The following CTNNA3 variants were observed in gnomAD, a reference collection of about 807,000 sequenced individuals.
CTNNA3 encodes catenin alpha-3.
CTNNA3 carries 76 observed loss-of-function variants against 95.7 expected under a neutral mutation model. The ratio of observed to expected loss-of-function variants is 0.79; its 90% CI spans 0.66 to 0.96. The LOEUF is 0.96. Ranked by LOEUF, CTNNA3 falls within the 40% of genes least tolerant of loss-of-function variation. CTNNA3 has a pLI of 0.00. For missense variants in CTNNA3, 1,191 were observed against 1,089.8 expected (o/e 1.09, Z -1.31); for synonymous variants, 431 against 374.4 (o/e 1.15, Z -1.74).
chr10:66,013,563 GATA>G (rs756405746), intron 15 of CTNNA3, among the ~76,000 whole-genome samples: 9 of 152,178 alleles, frequency 5.9e-5, no homozygotes, highest in Non-Finnish European at 1.3e-4. Context: ...GCTTTTAACT[GATA>G]ATTTCAAATG....
intron 15 of CTNNA3, among the ~76,000 whole-genome samples, chr10:66,027,056 T>C (rs1323913094): frequency 1.3e-5 from 2 of 152,110 alleles, no homozygotes; most frequent in Non-Finnish European, 2.9e-5. Context: ...TAAAAAATCA[T>C]CTTATTAATT....
At chr10:67,617,781 T>C (rs1480944129) in intron 2 of CTNNA3, among the ~76,000 whole-genome samples, 1 of 150,638 alleles carries the variant, frequency 6.6e-6, no homozygotes, top group African/African-American at 2.4e-5. Context: ...TTTTTTTTTT[T>C]ACTTTTTAAT....
intron 15 of CTNNA3, among the ~76,000 whole-genome samples, chr10:66,037,154 G>A (rs1229477351): frequency 2.0e-5 from 3 of 152,126 alleles, no homozygotes; most frequent in African/African-American, 7.2e-5. Flanking sequence ...TTACAGGCAT[G>A]AGCCACCGTG....
At chr10:66,689,099 TCCATGAA>T (rs1371463765) in intron 9 of CTNNA3, among the ~76,000 whole-genome samples, 4 of 25,012 alleles carry the variant, frequency 1.6e-4, no homozygotes, top group Admixed American at 6.1e-4. Context: ...CGTGTGTGTA[TCCATGAA>T]TCAATGAATC....
intron 14 of CTNNA3, among the ~76,000 whole-genome samples, chr10:66,101,312 G>A (rs2081619945): frequency 6.6e-6 from 1 of 152,108 alleles, no homozygotes; most frequent in African/African-American, 2.4e-5. Context: ...GGAAACTCAA[G>A]AAAGTAGCAT....
intron 7 of CTNNA3, among the ~76,000 whole-genome samples, chr10:66,822,155 G>A (rs1842326221): frequency 6.7e-6 from 1 of 149,646 alleles, no homozygotes; most frequent in African/African-American, 2.4e-5. Flanking sequence ...TATAAAGTAT[G>A]TAATATGTTT....
At chr10:66,216,854 T>C (rs1406324547) in intron 13 of CTNNA3, among the ~76,000 whole-genome samples, 1 of 152,198 alleles carries the variant, frequency 6.6e-6, no homozygotes, top group East Asian at 1.9e-4. Flanking sequence ...GCAATAAATG[T>C]GTATAGCTTC....
chr10:67,007,774 A>T (rs1226302001), intron 7 of CTNNA3, among the ~76,000 whole-genome samples: 2 of 152,030 alleles, frequency 1.3e-5, no homozygotes, highest in African/African-American at 4.8e-5. Flanking sequence ...TTTTTAAAAA[A>T]AAAGTTCAAA....
At chr10:67,492,576 A>C (rs1200278714) in intron 5 of CTNNA3, among the ~76,000 whole-genome samples, 1 of 152,218 alleles carries the variant, frequency 6.6e-6, no homozygotes, top group Admixed American at 6.5e-5. Context: ...TAAAGATCAA[A>C]TGTGCAAGAT....
chr10:66,420,607 T>C (rs1269854678), intron 11 of CTNNA3, among the ~76,000 whole-genome samples: 1 of 151,936 alleles, frequency 6.6e-6, no homozygotes, highest in Non-Finnish European at 1.5e-5. Context: ...GAGACCACCC[T>C]GGCTAACACA....
chr10:65,992,028 C>A (rs1366607754), intron 15 of CTNNA3, among the ~76,000 whole-genome samples: 2 of 151,866 alleles, frequency 1.3e-5, no homozygotes, highest in East Asian at 3.9e-4. Flanking sequence ...ATCTTTCATT[C>A]TTTTGATATG....
chr10:66,875,280 C>A (rs534646960), intron 7 of CTNNA3, among the ~76,000 whole-genome samples: 1 of 152,112 alleles, frequency 6.6e-6, no homozygotes, highest in South Asian at 2.1e-4. Context: ...GGTTACATAA[C>A]TGTCCCAAAA....
chr10:66,399,406 T>C (rs2132554001), intron 11 of CTNNA3, among the ~76,000 whole-genome samples: 1 of 152,056 alleles, frequency 6.6e-6, no homozygotes, highest in South Asian at 2.1e-4. Context: ...AGATATATAA[T>C]ATTATAGCCT....
chr10:67,303,375 C>A (rs1166901379), intron 5 of CTNNA3, among the ~76,000 whole-genome samples: 2 of 152,162 alleles, frequency 1.3e-5, no homozygotes, highest in Non-Finnish European at 2.9e-5. Context: ...TCCCAAGTGG[C>A]CAAATTCAAC....
At chr10:66,381,671 T>C (rs1006688405) in intron 11 of CTNNA3, among the ~76,000 whole-genome samples, 1 of 152,134 alleles carries the variant, frequency 6.6e-6, no homozygotes, top group Non-Finnish European at 1.5e-5. Context: ...ATTTAACCCA[T>C]ATTAAGGACA....
chr10:67,459,997 CTTTATCCTTCAAATACATT>C (rs1847316057), intron 5 of CTNNA3, among the ~76,000 whole-genome samples: 1 of 152,124 alleles, frequency 6.6e-6, no homozygotes, highest in Non-Finnish European at 1.5e-5. Context: ...CTTCTACATT[CTTTATCCTTCAAATACATT>C]TTTATAATTC....
intron 7 of CTNNA3, among the ~76,000 whole-genome samples, chr10:66,914,701 G>C (rs1846395845): frequency 6.6e-6 from 1 of 152,084 alleles, no homozygotes; most frequent in East Asian, 1.9e-4. Flanking sequence ...GGGAGTTGGG[G>C]GATCAGCAAA....
At chr10:67,050,320 G>A (rs1855005113) in intron 7 of CTNNA3, among the ~76,000 whole-genome samples, 1 of 152,246 alleles carries the variant, frequency 6.6e-6, no homozygotes, top group East Asian at 1.9e-4. Flanking sequence ...CCTTTCTTGA[G>A]CGTTCGGTCT....
intron 7 of CTNNA3, among the ~76,000 whole-genome samples, chr10:67,023,841 G>C (rs1335487461): frequency 1.3e-5 from 2 of 152,138 alleles, no homozygotes; most frequent in Non-Finnish European, 2.9e-5. Context: ...TTACAATTTT[G>C]CTACAGATTA....
Sources: gnomAD v4.1 joint callset for allele counts (sites outside exome capture counted in the v4.1 genomes callset) on GRCh38, gnomAD v4.1.1 for gene constraint, MANE v1.5 for transcripts, NCBI Gene and HGNC (gene_info 2026-07-23, HGNC 2026-07-21) for gene names.